PDE1C: variants seen among roughly 807,000 people sequenced by gnomAD.
PDE1C encodes phosphodiesterase 1C, also known as dual specificity calcium/calmodulin-dependent 3',5'-cyclic nucleotide phosphodiesterase 1C.
Under a neutral mutation model 93.1 loss-of-function variants are expected in PDE1C, and 62 were observed. The ratio of observed to expected loss-of-function variants is 0.67; its 90% CI spans 0.54 to 0.82. The LOEUF (loss-of-function observed/expected upper bound fraction) is 0.82, where lower values mean the gene tolerates loss of function less well. Ranked by LOEUF, PDE1C falls within the 40% of genes least tolerant of loss-of-function variation. The pLI, the probability that PDE1C is intolerant of heterozygous loss-of-function variation, is 0.00. For missense variants in PDE1C, 742 were observed against 884.6 expected, an observed-to-expected ratio of 0.84 and a Z score of 2.04; for synonymous variants, 325 against 310.1, an observed-to-expected ratio of 1.05 and a Z score of -0.50.
At position 31,954,770 on chromosome 7, in the gene PDE1C, G is replaced by T. The variant is rs141981806; in HGVS notation, c.129-73910C>A. On this transcript the variant is annotated intron_variant, in intron 2 of 17. Coordinates refer to ENST00000396191, the MANE Select transcript of PDE1C (RefSeq NM_001191057.4). ...AGCAGTAGAGGCTGTCTCATATGATGCCACCAAAAAGGTTTTTGCTATTAA... is the reference window on the plus strand; with the variant it reads ...AGCAGTAGAGGCTGTCTCATATGATTCCACCAAAAAGGTTTTTGCTATTAA... Among the ~76,000 whole-genome samples, 492 of 152,250 alleles carry T rather than the reference G, an allele frequency of 3.2e-3. 5 individuals carry two copies. The South Asian group carries it at 0.034, about 11-fold the overall frequency.
At chr7:32,141,550 GA>G (rs1177092450) in intron 3 of PDE1C, among the ~76,000 whole-genome samples, 14 of 152,146 alleles carry the variant, frequency 9.2e-5, no homozygotes. Context: ...CTAATTGGGA[GA>G]AAAAATATCA....
At chr7:31,775,768 A>G in intron 16 of PDE1C, 36 bp from the exon 17 acceptor site, 1 of 1,559,802 alleles carries the variant, frequency 6.4e-7, no homozygotes, top group Non-Finnish European at 8.8e-7. Flanking sequence ...GAAAAGTAGG[A>G]TTGTGGAAAA....
intron 2 of PDE1C, among the ~76,000 whole-genome samples, chr7:31,999,830 G>A (rs1785235036): frequency 6.6e-6 from 1 of 152,174 alleles, no homozygotes; most frequent in African/African-American, 2.4e-5. Context: ...TAATCATTCA[G>A]CAATTATTTA....
At chr7:32,188,098 C>A (rs539420061) in intron 2 of PDE1C, among the ~76,000 whole-genome samples, 1 of 152,056 alleles carries the variant, frequency 6.6e-6, no homozygotes, top group South Asian at 2.1e-4. Context: ...CTGTCTTATG[C>A]TATTTGCATG....
At chr7:31,775,099 T>C (rs560244390) in intron 17 of PDE1C, among the ~76,000 whole-genome samples, 1 of 152,346 alleles carries the variant, frequency 6.6e-6, no homozygotes, top group Admixed American at 6.5e-5. Flanking sequence ...ACTTATGATT[T>C]GCCAGTACAT....
intron 1 of PDE1C, among the ~76,000 whole-genome samples, chr7:32,282,336 C>T (rs570082560): frequency 1.0e-3 from 156 of 151,340 alleles, no homozygotes; most frequent in Non-Finnish European, 1.9e-3. Context: ...ATTAGCCGGG[C>T]GTGGTGGCAC....
chr7:31,858,656 G>A (rs1484016087), intron 7 of PDE1C, among the ~76,000 whole-genome samples: 1 of 151,954 alleles, frequency 6.6e-6, no homozygotes, highest in African/African-American at 2.4e-5. Flanking sequence ...CAATTAAAAG[G>A]CAATCACAAG....
At chr7:32,331,767 C>T (rs1034266907) in intron 1 of PDE1C, among the ~76,000 whole-genome samples, 5 of 152,198 alleles carry the variant, frequency 3.3e-5, no homozygotes, top group African/African-American at 1.2e-4. Flanking sequence ...AGGGAAATAA[C>T]TCCCAAGTTT....
chr7:32,176,376 A>T (rs1802987975), intron 2 of PDE1C, among the ~76,000 whole-genome samples: 1 of 152,194 alleles, frequency 6.6e-6, no homozygotes, highest in Non-Finnish European at 1.5e-5. Context: ...TTTTTGCAAA[A>T]GACAAAGAAG....
At chr7:32,277,003 A>G (rs117514532) in intron 1 of PDE1C, among the ~76,000 whole-genome samples, 8,961 of 152,250 alleles carry the variant, frequency 0.059, 350 homozygotes, top group Non-Finnish European at 0.081. Flanking sequence ...CTGTAATCCC[A>G]GCACTTTGGG....
intron 2 of PDE1C, among the ~76,000 whole-genome samples, chr7:31,921,496 T>C (rs1802616912): frequency 6.6e-6 from 1 of 152,208 alleles, no homozygotes; most frequent in African/African-American, 2.4e-5. Context: ...CTATATGGTG[T>C]TATTTCAGGA....
Sources: allele counts gnomAD v4.1 joint callset (sites outside exome capture counted in the v4.1 genomes callset), GRCh38; gene constraint gnomAD v4.1.1; transcripts MANE v1.5; gene names NCBI Gene and HGNC (gene_info 2026-07-23, HGNC 2026-07-21).